MAML1: variants seen among roughly 807,000 people sequenced by gnomAD.
The protein encoded by MAML1 is mastermind like transcriptional coactivator 1.
Under a neutral mutation model 77.1 loss-of-function variants are expected in MAML1, and 14 were observed. The observed-to-expected ratio is 0.18, with a 90% CI of 0.12 to 0.28. The LOEUF (loss-of-function observed/expected upper bound fraction) is 0.28. Ranked by LOEUF, MAML1 falls within the 10% of genes least tolerant of loss-of-function variation. The pLI, the probability that MAML1 is intolerant of heterozygous loss-of-function variation, is 1.00. For missense variants in MAML1, 1,217 were observed against 1,327.8 expected (o/e 0.92, Z 1.30); for synonymous variants, 516 against 551.9 (o/e 0.93, Z 0.91).
rs1756130959 is a variant in MAML1 at position 179,776,188 on chromosome 5, A to G, written c.*1311A>G. ...AGCACAGGGTGAGACCCTTTTACAC[A>G]GAATGGTGGAGAGAAAAGAGAATGC... On this transcript the variant is annotated 3_prime_UTR_variant, in exon 5 of 5. Transcript: ENST00000292599. The G allele has an allele frequency of 1.2e-5, 12 of 985,816 alleles. No homozygotes were observed. The highest frequency in any genetic ancestry group is 1.4e-5 in the Non-Finnish European group (12 of 829,964). The allele number at this position is 985,816 out of a possible 1,614,324, so 61.1% of individuals were successfully genotyped here.
At chr5:179,743,955 T>C (rs1035846115) in intron 1 of MAML1, among the ~76,000 whole-genome samples, 1 of 152,096 alleles carries the variant, frequency 6.6e-6, no homozygotes, top group African/African-American at 2.4e-5. Flanking sequence ...GTTACATCAG[T>C]TTTTAAAATG....
Position 179,769,046 on chromosome 5 carries a change from A to C in MAML1, c.1928A>C (p.Gln643Pro). 1 of 1,614,232 alleles carries C rather than the reference A, an allele frequency of 6.2e-7. No homozygotes were observed. Reference sequence around the variant, plus strand: ...GAGCAGCAGCAAAAGCATTTACAGCAACAGCAGTTCCTTCAGAGGCAACAG... The same window carrying C: ...GAGCAGCAGCAAAAGCATTTACAGCCACAGCAGTTCCTTCAGAGGCAACAG... ...QREQQQKHLQ[Q>P]QQFLQRQQHL... Residue 643 changes from glutamine to proline, a missense_variant, in exon 3 of 5, where the codon CAA becomes CCA. Coordinates refer to ENST00000292599, the MANE Select transcript of MAML1 (RefSeq NM_014757.5). The surrounding 1 kb of genome is among the most constrained non-coding windows in gnomAD (Gnocchi z 4.2).
chr5:179,749,127 G>A (rs2113349175), intron 1 of MAML1, among the ~76,000 whole-genome samples: 1 of 152,004 alleles, frequency 6.6e-6, no homozygotes, highest in East Asian at 1.9e-4. Context: ...CACCACACCT[G>A]GCTAGTTGTT....
chr5:179,756,845 A>G (rs1442898864), intron 1 of MAML1, among the ~76,000 whole-genome samples: 2 of 152,190 alleles, frequency 1.3e-5, no homozygotes, highest in African/African-American at 4.8e-5. Context: ...ATGCCTGGTC[A>G]TCGGAGAGGA....
chr5:179,747,280 G>C (rs906098186), intron 1 of MAML1, among the ~76,000 whole-genome samples: 47 of 152,330 alleles, frequency 3.1e-4, no homozygotes, highest in African/African-American at 1.1e-3. Flanking sequence ...TGTTGACTGT[G>C]TGTTAATGGT....
At chr5:179,772,778 A>AC (rs374712697) in intron 4 of MAML1, among the ~76,000 whole-genome samples, 5 of 150,958 alleles carry the variant, frequency 3.3e-5, no homozygotes, top group Non-Finnish European at 3.0e-5. Flanking sequence ...CTGCACCTCC[A>AC]CCCCCCATTC....
chr5:179,771,183 C>T lies in MAML1; in HGVS notation c.2008C>T (p.Pro670Ser), dbSNP rs371709050. The T allele has an allele frequency of 6.2e-7, 1 of 1,614,202 alleles. No individual in the cohort carries two copies. The part of the protein sequence containing the change: ...QQFQRHLTRP[P>S]PQYQDPTQGS... ...GTTTCAGCGCCATCTGACCCGCCCA[C>T]CACCCCAGTACCAAGACCCGACACA... is the stretch of plus-strand genomic sequence containing the variant. The change falls in exon 4 of 5, where the codon CCA becomes TCA. Residue 670 changes from proline (P) to serine (S), a missense_variant. By Grantham distance (74) the Pro-to-Ser change is moderately conservative. This residue lies in a region of MAML1 where 884 missense variants were observed against 949.3 expected (regional missense o/e 0.93). Coordinates refer to ENST00000292599, the MANE Select transcript of MAML1 (RefSeq NM_014757.5). This position sits in a 1 kb window ranked among gnomAD's most constrained non-coding sequence, Gnocchi z 4.7.
intron 1 of MAML1, among the ~76,000 whole-genome samples, chr5:179,735,080 C>T (rs564041824): frequency 2.0e-5 from 3 of 152,238 alleles, no homozygotes; most frequent in African/African-American, 7.2e-5. Context: ...TGCTAGATGA[C>T]GAGTTAGTGG....
intron 2 of MAML1, among the ~76,000 whole-genome samples, chr5:179,767,694 G>T (rs1165723440): frequency 2.0e-5 from 3 of 152,218 alleles, no homozygotes; most frequent in Non-Finnish European, 2.9e-5. Flanking sequence ...AGGCTCAGCT[G>T]CACACAGTGA....
chr5:179,744,810 G>T (rs1366140482), intron 1 of MAML1, among the ~76,000 whole-genome samples: 1 of 152,104 alleles, frequency 6.6e-6, no homozygotes, highest in Non-Finnish European at 1.5e-5. Flanking sequence ...CAGAATAATA[G>T]ATGTAGCATT....
chr5:179,736,915 C>G (rs1406666339), intron 1 of MAML1, among the ~76,000 whole-genome samples: 2 of 150,008 alleles, frequency 1.3e-5, no homozygotes, highest in Admixed American at 1.3e-4. Context: ...GAGCTGAGAT[C>G]GTACCACTGC....
At position 179,772,043 on chromosome 5, in the gene MAML1, G is replaced by C. The variant is rs890417115; in HGVS notation, c.2068+800G>C. 2.0e-5 allele frequency among the ~76,000 whole-genome samples: 3 copies of C among 152,190 alleles called. No homozygotes were observed. In the East Asian group the frequency reaches 5.8e-4, roughly 29 times the overall value. Reference sequence around the variant, plus strand: ...GTCTGACCCATGTTTTCTGCCTTCAGACCCATCTGACATTTTGTGGATTAT... The same window carrying C: ...GTCTGACCCATGTTTTCTGCCTTCACACCCATCTGACATTTTGTGGATTAT... On this transcript the variant is annotated intron_variant, in intron 4 of 4. Coordinates refer to ENST00000292599, the MANE Select transcript of MAML1 (RefSeq NM_014757.5).
intron 1 of MAML1, among the ~76,000 whole-genome samples, chr5:179,740,692 T>G (rs1581923656): frequency 6.6e-6 from 1 of 152,016 alleles, no homozygotes; most frequent in Non-Finnish European, 1.5e-5. Context: ...GGGCTGGGGC[T>G]GGTGGTAGCA....
At chr5:179,761,744 GAGGAAGGGAGTGCAGGGAGAGAGGGAA>G (rs558110552) in intron 1 of MAML1, among the ~76,000 whole-genome samples, 11 of 152,280 alleles carry the variant, frequency 7.2e-5, no homozygotes, top group Non-Finnish European at 1.2e-4. Context: ...ATAAGAGGGA[GAGGAAGGGAGTGCAGGGAGAGAGGGAA>G]AGGAAGGACT....
Position 179,771,036 on chromosome 5 carries a change from ATTTG to A in MAML1, c.1972-109_1972-106del. ...ATCAGCACTATTTCCACAGGAGCCC[ATTTG>A]TGAGTAACAAACTTGGATAAGTTAC... On this transcript the variant is annotated intron_variant, in intron 3 of 4. Transcript: ENST00000292599. This position sits in a 1 kb window ranked among gnomAD's most constrained non-coding sequence, Gnocchi z 4.7. 2.6e-6 allele frequency: 2 copies of A among 757,988 alleles called. No individual in the cohort carries two copies. The highest frequency in any genetic ancestry group is 4.7e-6 in the Non-Finnish European group (2 of 426,352). The allele number at this position is 757,988 out of a possible 1,614,324, so 47.0% of individuals were successfully genotyped here.
rs1756124572 is a variant in MAML1 at position 179,775,785 on chromosome 5, TCTTTC to T, written c.*913_*917del. The T allele has an allele frequency of 3.0e-6, 3 of 985,434 alleles. No homozygotes were observed. Among genetic ancestry groups the T allele is most frequent in the South Asian group, 9.4e-5 (2 of 21,300 alleles). The allele number at this position is 985,434 out of a possible 1,614,324, so 61.0% of individuals were successfully genotyped here. ...GTCACTGTGCAGTTGTGCACAGATG[TCTTTC>T]CTTTACCGTTGGCCTTTCTGTCTGC... is the stretch of plus-strand genomic sequence containing the variant. On this transcript the variant is annotated 3_prime_UTR_variant, in exon 5 of 5. Transcript: ENST00000292599.
chr5:179,766,644 A>T lies in MAML1; in HGVS notation c.1634A>T (p.Gln545Leu). ...CCAGCCCTGATGGCTTATCTTCCCCAGCAGCTGTCCCATATAAGTCACGAG... is the reference window on the plus strand; with the variant it reads ...CCAGCCCTGATGGCTTATCTTCCCCTGCAGCTGTCCCATATAAGTCACGAG... ...SKPALMAYLP[Q>L]QLSHISHEQN... Residue 545 changes from glutamine to leucine, a missense_variant, in exon 2 of 5, where the codon CAG becomes CTG. Around this residue, in one of 3 missense-constraint regions of MAML1, gnomAD observed 884 missense variants for 949.3 expected, o/e 0.93. Transcript: ENST00000292599. This position sits in a 1 kb window ranked among gnomAD's most constrained non-coding sequence, Gnocchi z 4.0. The T allele has an allele frequency of 1.2e-6, 2 of 1,612,494 alleles. No individual in the cohort carries two copies. The highest frequency in any genetic ancestry group is 3.3e-5 in the Admixed American group (2 of 59,778).
chr5:179,753,184 AGTGTGTGT>A (rs59680995), intron 1 of MAML1, among the ~76,000 whole-genome samples: 2,771 of 120,562 alleles, frequency 0.023, 38 homozygotes, highest in African/African-American at 0.029. Context: ...GCTATTTTTT[AGTGTGTGT>A]GTGTGTGTGT....
intron 1 of MAML1, among the ~76,000 whole-genome samples, chr5:179,742,432 T>C (rs185014219): frequency 6.6e-6 from 1 of 151,692 alleles, no homozygotes; most frequent in African/African-American, 2.4e-5. Flanking sequence ...GAGGTTGCAG[T>C]GAGCCGAGAT....
Sources: allele counts gnomAD v4.1 joint callset (sites outside exome capture counted in the v4.1 genomes callset), GRCh38; gene constraint gnomAD v4.1.1; regional missense constraint gnomAD v4.1.1; non-coding constraint Gnocchi (gnomAD v3.1); transcripts MANE v1.5; gene names NCBI Gene and HGNC (gene_info 2026-07-23, HGNC 2026-07-21).